SEMA3C: variants seen among roughly 807,000 people sequenced by gnomAD.
SEMA3C encodes the protein semaphorin 3C.
A neutral mutation model predicts 89.4 loss-of-function variants in SEMA3C; 47 were observed. That is an observed-to-expected ratio of 0.53 (90% CI 0.42 to 0.67). The LOEUF (loss-of-function observed/expected upper bound fraction) is 0.67. Among genes scored for constraint, SEMA3C ranks in the 30% least tolerant of loss-of-function variants. The pLI, the probability that SEMA3C is intolerant of heterozygous loss-of-function variation, is 0.00. For synonymous variants in SEMA3C, 310 were observed against 320.2 expected, an observed-to-expected ratio of 0.97 and a Z score of 0.34; for missense variants, 839 against 929.1, an observed-to-expected ratio of 0.90 and a Z score of 1.26.
At chr7:80,852,204 T>G (rs1231037957) in intron 2 of SEMA3C, among the ~76,000 whole-genome samples, 4 of 152,160 alleles carry the variant, frequency 2.6e-5, no homozygotes, top group Non-Finnish European at 4.4e-5. Flanking sequence ...CTGACAGAAA[T>G]CCCTATGGAG....
chr7:80,857,281 G>A (rs1790664409), intron 2 of SEMA3C, among the ~76,000 whole-genome samples: 1 of 152,058 alleles, frequency 6.6e-6, no homozygotes, highest in Non-Finnish European at 1.5e-5. Flanking sequence ...CAGTGACACG[G>A]GCCCTTTAAT....
At chr7:80,908,809 A>G (rs1388946611) in intron 2 of SEMA3C, among the ~76,000 whole-genome samples, 22 of 152,194 alleles carry the variant, frequency 1.4e-4, no homozygotes, top group Non-Finnish European at 5.9e-5. Context: ...TTGCACTAAA[A>G]GCTGTCACTA....
At chr7:80,899,126 C>T (rs1049971892) in intron 2 of SEMA3C, among the ~76,000 whole-genome samples, 3 of 152,096 alleles carry the variant, frequency 2.0e-5, no homozygotes, top group South Asian at 2.1e-4. Context: ...CTGCAACCTC[C>T]GCCGCCCGGG....
At position 80,743,989 on chromosome 7, in the gene SEMA3C, CTTTT is replaced by C. The variant is rs1318797032; in HGVS notation, c.*901_*904del. ...ATTAGTAGTTTCTACTTTGATTTTTCTTTTTGATGATTTCACACCTTATTTAGAA... is the reference window on the plus strand; with the variant it reads ...ATTAGTAGTTTCTACTTTGATTTTTCTGATGATTTCACACCTTATTTAGAA... On this transcript the variant is annotated 3_prime_UTR_variant, in exon 18 of 18. Coordinates refer to ENST00000265361, the MANE Select transcript of SEMA3C (RefSeq NM_006379.5). 1 of 151,860 alleles carries C rather than the reference CTTTT, an allele frequency of 6.6e-6. No homozygotes were observed. The highest frequency in any genetic ancestry group is 1.5e-5 in the Non-Finnish European group (1 of 67,868). 9.4% of individuals were successfully genotyped at this position (151,860 alleles called of 1,614,324 possible).
chr7:80,897,816 G>C (rs1014488132), intron 2 of SEMA3C, among the ~76,000 whole-genome samples: 17 of 152,110 alleles, frequency 1.1e-4, no homozygotes, highest in African/African-American at 3.9e-4. Flanking sequence ...TTGTTGTGAA[G>C]TGTCTTTATT....
At chr7:80,797,796 G>A (rs1350947994) in intron 11 of SEMA3C, among the ~76,000 whole-genome samples, 1 of 152,096 alleles carries the variant, frequency 6.6e-6, no homozygotes, top group Admixed American at 6.6e-5. Flanking sequence ...TCAGGAGTTC[G>A]AGACCAGCCT....
chr7:80,768,412 G>C (rs1279372555), intron 12 of SEMA3C, among the ~76,000 whole-genome samples: 2 of 152,114 alleles, frequency 1.3e-5, no homozygotes, highest in Non-Finnish European at 2.9e-5. Context: ...TACGCGGGAG[G>C]CTGAGGCAGG....
At chr7:80,917,486 G>A (rs1247257215) in intron 1 of SEMA3C, among the ~76,000 whole-genome samples, 17 of 152,184 alleles carry the variant, frequency 1.1e-4, no homozygotes, top group Admixed American at 1.1e-3. Flanking sequence ...GCAATCCAGT[G>A]AGCCATGTAT....
intron 3 of SEMA3C, 37 bp downstream of exon 3, chr7:80,828,548 A>G: frequency 1.3e-6 from 2 of 1,505,508 alleles, no homozygotes; most frequent in Non-Finnish European, 8.9e-7. Flanking sequence ...AGACATTGAA[A>G]AGGTGGACAC....
At chr7:80,827,529 A>G in intron 3 of SEMA3C, 42 bp from the exon 4 acceptor site, 1 of 1,520,086 alleles carries the variant, frequency 6.6e-7, no homozygotes, top group South Asian at 1.2e-5. Context: ...TCTCACCTGG[A>G]CATATGACAG....
rs1293136678 is a variant in SEMA3C, at chr7:80,744,684, A to G, written c.*210T>C. ...AATCTGGGTTAAGTTAAATATATTT[A>G]TATGCACCATGAGGACCATGACATG... On this transcript the variant is annotated 3_prime_UTR_variant, in exon 18 of 18. Coordinates refer to ENST00000265361, the MANE Select transcript of SEMA3C (RefSeq NM_006379.5). The G allele has an allele frequency of 6.8e-6, 4 of 589,620 alleles. No individual in the cohort carries two copies. Among genetic ancestry groups the G allele is most frequent in the Non-Finnish European group, 1.2e-5 (4 of 334,542 alleles). The allele number at this position is 589,620 out of a possible 1,614,324, so 36.5% of individuals were successfully genotyped here.
intron 2 of SEMA3C, among the ~76,000 whole-genome samples, chr7:80,863,660 C>CATATATATATAT (rs57236307): frequency 8.1e-5 from 12 of 147,330 alleles, no homozygotes; most frequent in African/African-American, 2.3e-4. Context: ...ATATATATCA[C>CATATATATATAT]ATATATATAT....
At chr7:80,752,607 T>G (rs1472765221) in intron 15 of SEMA3C, among the ~76,000 whole-genome samples, 2 of 101,496 alleles carry the variant, frequency 2.0e-5, no homozygotes, top group Non-Finnish European at 2.0e-5. Flanking sequence ...AGGGTGAGAC[T>G]CCATCTCAAA....
chr7:80,825,273 C>G (rs1789845002), intron 4 of SEMA3C, among the ~76,000 whole-genome samples: 1 of 152,080 alleles, frequency 6.6e-6, no homozygotes, highest in South Asian at 2.1e-4. Flanking sequence ...TTTTCTTGCA[C>G]AGACCAAACA....
At chr7:80,788,690 A>G (rs1178998952) in intron 12 of SEMA3C, among the ~76,000 whole-genome samples, 1 of 152,200 alleles carries the variant, frequency 6.6e-6, no homozygotes, top group East Asian at 1.9e-4. Flanking sequence ...AAAGAGTGCC[A>G]TCAATATTTT....
intron 10 of SEMA3C, 150 bp downstream of exon 10, chr7:80,800,607 G>A: frequency 2.1e-6 from 1 of 479,750 alleles, no homozygotes; most frequent in South Asian, 4.3e-5. Flanking sequence ...ATATATTTTG[G>A]TAATCAGGCA....
intron 12 of SEMA3C, among the ~76,000 whole-genome samples, chr7:80,768,336 A>G (rs1243464251): frequency 6.6e-6 from 1 of 152,044 alleles, no homozygotes; most frequent in African/African-American, 2.4e-5. Flanking sequence ...ACACAGTGAA[A>G]CCCCGTCTCT....
intron 12 of SEMA3C, among the ~76,000 whole-genome samples, chr7:80,775,584 C>A (rs1487413147): frequency 1.3e-5 from 2 of 151,870 alleles, no homozygotes; most frequent in African/African-American, 2.4e-5. Flanking sequence ...AGTTTGTTTT[C>A]TTTTTTCTTA....
At chr7:80,760,465 T>C (rs1213297491) in intron 14 of SEMA3C, among the ~76,000 whole-genome samples, 1 of 152,216 alleles carries the variant, frequency 6.6e-6, no homozygotes, top group Non-Finnish European at 1.5e-5. Flanking sequence ...GGCTTCTCGT[T>C]ACTTGGGAAA....
Sources: gnomAD v4.1 joint callset for allele counts (sites outside exome capture counted in the v4.1 genomes callset) on GRCh38, gnomAD v4.1.1 for gene constraint, MANE v1.5 for transcripts, NCBI Gene and HGNC (gene_info 2026-07-23, HGNC 2026-07-21) for gene names.